The following EHMT1 variants were observed in gnomAD, a reference collection of about 807,000 sequenced individuals.
EHMT1 encodes histone-lysine N-methyltransferase EHMT1.
A neutral mutation model predicts 147.2 loss-of-function variants in EHMT1; 15 were observed. The observed-to-expected ratio is 0.10, with a 90% CI of 0.07 to 0.16. EHMT1 has a LOEUF of 0.16. EHMT1 is among the 10% of genes least tolerant of loss of function. The pLI is 1.00. For synonymous variants in EHMT1, 795 were observed against 709.6 expected (o/e 1.12, Z -1.91); for missense variants, 1,587 against 1,772.4 (o/e 0.90, Z 1.88).
chr9:137,699,694 A>G (rs1033200413), intron 1 of EHMT1, among the ~76,000 whole-genome samples: 19 of 151,682 alleles, frequency 1.3e-4, no homozygotes, highest in Non-Finnish European at 2.7e-4. Flanking sequence ...AAAAAAGAGA[A>G]AAAGATGTTG....
Position 137,808,905 on chromosome 9 carries a change from C to T in EHMT1, c.2713-2556C>T, listed in dbSNP as rs190923412. ...GCCAACTGCATTCCAGCCTGGGTGA[C>T]GGAGTGAGACTCCGCCTCTAAAAAA... On this transcript the variant is annotated intron_variant, in intron 18 of 26. Coordinates refer to ENST00000460843, the MANE Select transcript of EHMT1 (RefSeq NM_024757.5). Among the ~76,000 whole-genome samples, 27 of 152,158 alleles carry T rather than the reference C, an allele frequency of 1.8e-4. No individual in the cohort carries two copies. In the East Asian group the frequency reaches 3.5e-3, roughly 20 times the overall value.
Position 137,787,040 on chromosome 9 carries a change from GCTGCTGCCCTCTCTCAC to G in EHMT1, c.2383-3797_2383-3781del, listed in dbSNP as rs1285265243. The G allele has an allele frequency of 1.3e-5, 2 of 152,552 alleles. No individual in the cohort carries two copies. The highest frequency in any genetic ancestry group is 4.8e-5 in the African/African-American group (2 of 41,432). 9.4% of individuals were successfully genotyped at this position (152,552 alleles called of 1,614,324 possible). A position where few individuals can be genotyped will look rare whatever the true frequency, so the allele number is the denominator to read the frequency against. Reference sequence around the variant, plus strand: ...CCTCCATCTGCTGCAGCTCTGGGGTGCTGCTGCCCTCTCTCACCTGCTGCCCTTCGGTGTCCTGGTCC... The same window carrying G: ...CCTCCATCTGCTGCAGCTCTGGGGTGCTGCTGCCCTTCGGTGTCCTGGTCC... On this transcript the variant is annotated intron_variant, in intron 15 of 26. Transcript: ENST00000460843. This position sits in a 1 kb window ranked among gnomAD's most constrained non-coding sequence, Gnocchi z 4.2.
chr9:137,709,418 G>A (rs1206779033), intron 1 of EHMT1, among the ~76,000 whole-genome samples: 1 of 152,202 alleles, frequency 6.6e-6, no homozygotes, highest in Non-Finnish European at 1.5e-5. Flanking sequence ...TTACCGTGGT[G>A]GGGTGGGCTG....
At chr9:137,734,006 C>T (rs1041570464) in intron 4 of EHMT1, among the ~76,000 whole-genome samples, 1 of 152,066 alleles carries the variant, frequency 6.6e-6, no homozygotes, top group Non-Finnish European at 1.5e-5. Context: ...AACAGTACAC[C>T]CTGGAAAAGG....
At chr9:137,721,225 C>CA in intron 3 of EHMT1, among the ~76,000 whole-genome samples, 1 of 71,354 alleles carries the variant, frequency 1.4e-5, no homozygotes, top group Non-Finnish European at 3.3e-5. Context: ...CTCACACTCA[C>CA]CCCTCCCAGA....
At chr9:137,793,084 G>A (rs1698055651) in intron 16 of EHMT1, among the ~76,000 whole-genome samples, 1 of 152,094 alleles carries the variant, frequency 6.6e-6, no homozygotes, top group Non-Finnish European at 1.5e-5. Flanking sequence ...GATAATAAAA[G>A]GTTTTAAAAT....
chr9:137,810,294 A>ATGGGTCCGGG (rs1954356593), intron 18 of EHMT1, among the ~76,000 whole-genome samples: 9 of 135,424 alleles, frequency 6.6e-5, no homozygotes, highest in African/African-American at 2.8e-4. Flanking sequence ...CCTGCGTGAA[A>ATGGGTCCGGG]GGCGCTCCTC....
At chr9:137,738,385 A>G (rs3125787) in intron 4 of EHMT1, among the ~76,000 whole-genome samples, 28,794 of 152,112 alleles carry the variant, frequency 0.19, 7,065 homozygotes, top group African/African-American at 0.57. Context: ...TGAGGACAGC[A>G]ACTATCAAAA....
At position 137,787,523 on chromosome 9, in the gene EHMT1, T is replaced by G; in HGVS notation, c.2383-3325T>G. 1 of 367,902 alleles carries G rather than the reference T, an allele frequency of 2.7e-6. No homozygotes were observed. Among genetic ancestry groups the G allele is most frequent in the South Asian group, 3.1e-5 (1 of 32,512 alleles). The allele number at this position is 367,902 out of a possible 1,614,324, so 22.8% of individuals were successfully genotyped here. On this transcript the variant is annotated intron_variant, in intron 15 of 26. Transcript: ENST00000460843. The surrounding 1 kb of genome is among the most constrained non-coding windows in gnomAD (Gnocchi z 4.2). ...TCGGCCACGGCCACACGTGGGGTAG[T>G]TAGTAAACACCATGGACTCCCAGCA...
rs12348672 is a variant in EHMT1, at chr9:137,798,558, G to A, written c.2506-255G>A. Among the ~76,000 whole-genome samples the A allele has an allele frequency of 0.067, 10,203 of 152,216 alleles. 1,067 individuals carry two copies. Among genetic ancestry groups the A allele is most frequent in the African/African-American group, 0.23 (9,369 of 41,496 alleles). ...TATTATTTTAAGTTCTGTGGTACAC[G>A]GACAACTATTGCTGAATCATTGACG... On this transcript the variant is annotated intron_variant, in intron 16 of 26. Coordinates refer to ENST00000460843, the MANE Select transcript of EHMT1 (RefSeq NM_024757.5).
Position 137,731,689 on chromosome 9 carries a change from G to A in EHMT1, c.823+3160G>A, listed in dbSNP as rs1453299150. On this transcript the variant is annotated intron_variant, in intron 4 of 26. Transcript: ENST00000460843. This position sits in a 1 kb window ranked among gnomAD's most constrained non-coding sequence, Gnocchi z 4.3. The stretch of plus-strand genomic sequence containing the variant: ...CTTGAGTTTCACTTGCACCTGCTGG[G>A]CTCATTCTGCCCACTCGGCCCAGCA... Among the ~76,000 whole-genome samples the A allele has an allele frequency of 2.0e-5, 3 of 152,120 alleles. No homozygotes were observed. Among genetic ancestry groups the A allele is most frequent in the Non-Finnish European group, 4.4e-5 (3 of 68,020 alleles).
chr9:137,754,134 C>G (rs372839928), intron 7 of EHMT1, 37 bp from the exon 8 acceptor site: 29 of 1,613,568 alleles, frequency 1.8e-5, no homozygotes, highest in Non-Finnish European at 2.5e-5. Flanking sequence ...GCTTCCTGTG[C>G]TTAGTGGTTT....
chr9:137,762,817 T>A lies in EHMT1; in HGVS notation c.1644T>A (p.His548Gln). 1 of 1,614,114 alleles carries A rather than the reference T, an allele frequency of 6.2e-7. No homozygotes were observed. The highest frequency in any genetic ancestry group is 8.5e-7 in the Non-Finnish European group (1 of 1,180,034). ...NQCMATESVD[H>Q]ELGRCTNSVV... ...GCATGGCTACAGAGAGCGTGGACCA[T>A]GAAGTAAGCACGTTTGTTTTCATTT... Residue 548 changes from histidine to glutamine, a missense_variant, in exon 10 of 27, where the codon CAT becomes CAA. Coordinates refer to ENST00000460843, the MANE Select transcript of EHMT1 (RefSeq NM_024757.5).
intron 1 of EHMT1, among the ~76,000 whole-genome samples, chr9:137,629,947 A>G (rs1002231851): frequency 3.3e-5 from 5 of 152,094 alleles, no homozygotes; most frequent in Non-Finnish European, 7.4e-5. Flanking sequence ...AACTTTTAAT[A>G]TTTTCATGTA....
At chr9:137,771,556 C>T (rs1564729866) in intron 10 of EHMT1, among the ~76,000 whole-genome samples, 1 of 152,174 alleles carries the variant, frequency 6.6e-6, no homozygotes, top group Admixed American at 6.5e-5. Flanking sequence ...CGTCTCTGTG[C>T]TCCTCGGAGT....
In EHMT1 at chr9:137,813,271, G is replaced by A. The variant is rs1213327248; in HGVS notation, c.3035+98G>A. 6.4e-7 allele frequency: 1 copy of A among 1,559,606 alleles called. No individual in the cohort carries two copies. The highest frequency in any genetic ancestry group is 1.9e-5 in the Admixed American group (1 of 53,108). On this transcript the variant is annotated intron_variant, in intron 20 of 26. Coordinates refer to ENST00000460843, the MANE Select transcript of EHMT1 (RefSeq NM_024757.5). This position sits in a 1 kb window ranked among gnomAD's most constrained non-coding sequence, Gnocchi z 4.9. The stretch of plus-strand genomic sequence containing the variant: ...TGCTCCTGAAGCCGAAACATCCCCA[G>A]GCTGCAGTCCAAATTGTCAGGGCCA...
chr9:137,677,934 C>T lies in EHMT1; in HGVS notation c.22-33033C>T, dbSNP rs565134972. Among the ~76,000 whole-genome samples the T allele has an allele frequency of 1.9e-4, 29 of 149,970 alleles. 1 individual carries two copies. The South Asian group carries it at 2.7e-3, about 14-fold the overall frequency. On this transcript the variant is annotated intron_variant, in intron 1 of 26. Transcript: ENST00000460843. ...AGAAAAAAAAAAAAGCCGGGCGTGG[C>T]GGCGGGCGCCTGTAGTCCCAGCTAC... is the stretch of plus-strand genomic sequence containing the variant.
At chr9:137,638,889 GA>G (rs2133776696) in intron 1 of EHMT1, among the ~76,000 whole-genome samples, 1 of 152,256 alleles carries the variant, frequency 6.6e-6, no homozygotes, top group African/African-American at 2.4e-5. Flanking sequence ...GAGCCTGGCC[GA>G]GGCAGGGGAT....
chr9:137,715,785 T>C, intron 2 of EHMT1: 3 of 985,388 alleles, frequency 3.0e-6, no homozygotes, highest in Non-Finnish European at 3.6e-6. Flanking sequence ...TTCTGACCCA[T>C]TTTCTCTGTT....
Sources: gnomAD v4.1 joint callset for allele counts (sites outside exome capture counted in the v4.1 genomes callset) on GRCh38, gnomAD v4.1.1 for gene constraint, Gnocchi (gnomAD v3.1) non-coding constraint, MANE v1.5 for transcripts, NCBI Gene and HGNC (gene_info 2026-07-23, HGNC 2026-07-21) for gene names.